SIPA1L2: variants seen among roughly 807,000 people sequenced by gnomAD.
SIPA1L2 encodes the protein signal-induced proliferation-associated 1-like protein 2.
SIPA1L2 carries 56 observed loss-of-function variants against 163.9 expected under a neutral mutation model. The ratio of observed to expected loss-of-function variants is 0.34; its 90% CI spans 0.28 to 0.43. The LOEUF is 0.43. Ranked by LOEUF, SIPA1L2 falls within the 20% of genes least tolerant of loss-of-function variation. The pLI, the probability that SIPA1L2 is intolerant of heterozygous loss-of-function variation, is 1.00. For synonymous variants in SIPA1L2, 877 were observed against 865.7 expected (o/e 1.01, Z -0.23); for missense variants, 1,974 against 2,193.5 (o/e 0.90, Z 2.00).
rs769370281 is a variant in SIPA1L2 at position 232,464,809 on chromosome 1, G to A, written c.2820+31C>T. 12 of 1,517,944 alleles carry A rather than the reference G, an allele frequency of 7.9e-6. No individual in the cohort carries two copies. The South Asian group carries it at 1.4e-4, about 18-fold the overall frequency. The allele number at this position is 1,517,944 out of a possible 1,614,324, so 94.0% of individuals were successfully genotyped here. A position where few individuals can be genotyped will look rare whatever the true frequency, so the allele number is the denominator to read the frequency against. ...TTGAATCTGGAATTGAAAACATAAG[G>A]ATGGCGGGAAAATAGAAAACATGTA... On this transcript the variant is annotated intron_variant, in intron 9 of 22. Transcript: ENST00000674635.
intron 1 of SIPA1L2, among the ~76,000 whole-genome samples, chr1:232,574,450 G>T (rs1573108132): frequency 6.6e-6 from 1 of 151,972 alleles, no homozygotes; most frequent in African/African-American, 2.4e-5. Context: ...GAAGAAGCAG[G>T]TAAGAGAATC....
intron 3 of SIPA1L2, among the ~76,000 whole-genome samples, chr1:232,506,236 A>G (rs1666726696): frequency 6.6e-6 from 1 of 152,218 alleles, no homozygotes; most frequent in South Asian, 2.1e-4. Context: ...TAGAGGGAAA[A>G]GTCTTACACA....
chr1:232,426,216 T>C (rs1661888272), intron 17 of SIPA1L2, among the ~76,000 whole-genome samples: 1 of 152,218 alleles, frequency 6.6e-6, no homozygotes. Context: ...ATTGTAATAT[T>C]AGGCAATTTC....
chr1:232,403,404 T>C (rs202157120), intron 21 of SIPA1L2, 44 bp downstream of exon 21: 35 of 1,594,810 alleles, frequency 2.2e-5, no homozygotes, highest in Middle Eastern at 1.7e-4. Flanking sequence ...TGGCTAATCA[T>C]GCCTGGAACA....
chr1:232,582,346 C>G (rs1660424953), intron 1 of SIPA1L2, among the ~76,000 whole-genome samples: 1 of 152,044 alleles, frequency 6.6e-6, no homozygotes, highest in Non-Finnish European at 1.5e-5. Flanking sequence ...GTATCTTATT[C>G]CCATGTTTAC....
intron 18 of SIPA1L2, among the ~76,000 whole-genome samples, chr1:232,423,265 A>G (rs1661683829): frequency 6.6e-6 from 1 of 152,200 alleles, no homozygotes; most frequent in African/African-American, 2.4e-5. Context: ...TCAACTTACA[A>G]TATTTTCAAC....
At chr1:232,584,119 C>A (rs546108631) in intron 1 of SIPA1L2, among the ~76,000 whole-genome samples, 1 of 151,920 alleles carries the variant, frequency 6.6e-6, no homozygotes, top group South Asian at 2.1e-4. Context: ...CTGCACCATA[C>A]CCAGAAGGAA....
chr1:232,483,662 T>C (rs893718142), intron 6 of SIPA1L2, 130 bp downstream of exon 6: 4 of 951,006 alleles, frequency 4.2e-6, no homozygotes, highest in African/African-American at 1.7e-5. Context: ...CTAAACTCTA[T>C]TCCAAATAAG....
At position 232,439,501 on chromosome 1, in the gene SIPA1L2, AG is replaced by A. The variant is rs1343312664; in HGVS notation, c.3643-6del. The A allele has an allele frequency of 6.2e-7, 1 of 1,607,998 alleles. No homozygotes were observed. Among genetic ancestry groups the A allele is most frequent in the Non-Finnish European group, 8.5e-7 (1 of 1,175,982 alleles). Reference sequence around the variant, plus strand: ...GGAGCAACTTTTATCCCCAATCTTCAGAAGAAAGAGGAACAGAGAGTTCTCA... The same window carrying A: ...GGAGCAACTTTTATCCCCAATCTTCAAAGAAAGAGGAACAGAGAGTTCTCA... On this transcript the variant is annotated splice_region_variant and splice_polypyrimidine_tract_variant and intron_variant, in intron 14 of 22. Transcript: ENST00000674635.
At chr1:232,551,870 G>A (rs1558263175) in intron 2 of SIPA1L2, among the ~76,000 whole-genome samples, 2 of 152,144 alleles carry the variant, frequency 1.3e-5, no homozygotes, top group Non-Finnish European at 2.9e-5. Flanking sequence ...AAGAAGTCTC[G>A]CTCTTGTACC....
At chr1:232,526,526 C>G (rs891424711) in intron 2 of SIPA1L2, among the ~76,000 whole-genome samples, 3 of 152,206 alleles carry the variant, frequency 2.0e-5, no homozygotes, top group African/African-American at 7.2e-5. Flanking sequence ...GAATCTAATG[C>G]TGCAGTTGAT....
At chr1:232,418,018 T>C (rs1454310314) in intron 18 of SIPA1L2, among the ~76,000 whole-genome samples, 1 of 152,218 alleles carries the variant, frequency 6.6e-6, no homozygotes, top group African/African-American at 2.4e-5. Flanking sequence ...AGAAAGTACA[T>C]TCTGTTCATC....
At chr1:232,550,689 C>T (rs1418320853) in intron 2 of SIPA1L2, among the ~76,000 whole-genome samples, 1 of 152,180 alleles carries the variant, frequency 6.6e-6, no homozygotes, top group East Asian at 1.9e-4. Flanking sequence ...TTAATGCAGA[C>T]AACAGAACCA....
intron 18 of SIPA1L2, among the ~76,000 whole-genome samples, chr1:232,416,225 C>T (rs566476383): frequency 6.6e-6 from 1 of 152,218 alleles, no homozygotes; most frequent in African/African-American, 2.4e-5. Context: ...GAACCACCAT[C>T]CCCTCCCAAA....
chr1:232,575,721 A>G (rs1233673986), intron 1 of SIPA1L2, among the ~76,000 whole-genome samples: 1 of 152,240 alleles, frequency 6.6e-6, no homozygotes, highest in Non-Finnish European at 1.5e-5. Context: ...GAACTGGCAC[A>G]GCCCTGTTCT....
At chr1:232,449,119 C>A (rs1663393691) in intron 10 of SIPA1L2, among the ~76,000 whole-genome samples, 1 of 151,958 alleles carries the variant, frequency 6.6e-6, no homozygotes, top group Non-Finnish European at 1.5e-5. Flanking sequence ...AACTAGATCG[C>A]TGAAGAAGAG....
At chr1:232,539,155 T>C (rs1416897375) in intron 2 of SIPA1L2, among the ~76,000 whole-genome samples, 1 of 152,226 alleles carries the variant, frequency 6.6e-6, no homozygotes, top group African/African-American at 2.4e-5. Context: ...CCAGGCTAAC[T>C]ACACAAACCG....
intron 2 of SIPA1L2, among the ~76,000 whole-genome samples, chr1:232,537,261 A>G (rs1037559973): frequency 1.3e-5 from 2 of 152,316 alleles, no homozygotes; most frequent in Non-Finnish European, 2.9e-5. Flanking sequence ...AATAATAATT[A>G]CATTATGTAT....
intron 6 of SIPA1L2, among the ~76,000 whole-genome samples, chr1:232,480,192 T>TGTGTG (rs1558210858): frequency 4.8e-5 from 4 of 83,114 alleles, no homozygotes; most frequent in African/African-American, 9.0e-5. Context: ...TGTGTGTGTG[T>TGTGTG]TTTTACAGTT....
Sources: allele counts gnomAD v4.1 joint callset (sites outside exome capture counted in the v4.1 genomes callset), GRCh38; gene constraint gnomAD v4.1.1; transcripts MANE v1.5; gene names NCBI Gene and HGNC (gene_info 2026-07-23, HGNC 2026-07-21).